The following SPOCK3 variants were observed in gnomAD, a reference collection of about 807,000 sequenced individuals.
SPOCK3 encodes testican-3.
SPOCK3 carries 30 observed loss-of-function variants against 56.6 expected under a neutral mutation model. The ratio of observed to expected loss-of-function variants is 0.53; its 90% confidence interval spans 0.40 to 0.72. The LOEUF is 0.72. SPOCK3 is among the 30% of genes least tolerant of loss of function. The probability of loss-of-function intolerance (pLI) is 0.00; values close to 1 mark genes in which losing one functional copy is unlikely to be tolerated. For synonymous variants in SPOCK3, 196 were observed against 183.3 expected (o/e 1.07, Z -0.56); for missense variants, 527 against 530.0 (o/e 0.99, Z 0.06).
chr4:167,019,098 C>T lies in SPOCK3; in HGVS notation c.236-18635G>A, dbSNP rs569990904. Reference sequence around the variant, plus strand: ...CCACCAACTCATTATAAGTGAATATCAACCCTCCCTCTGATCAGTCTTCAA... The same window carrying T: ...CCACCAACTCATTATAAGTGAATATTAACCCTCCCTCTGATCAGTCTTCAA... On this transcript the variant is annotated intron_variant, in intron 3 of 10. Transcript: ENST00000357545. 7.2e-5 allele frequency among the ~76,000 whole-genome samples: 11 copies of T among 152,162 alleles called. No individual in the cohort carries two copies. In the East Asian group the frequency reaches 1.9e-3, roughly 27 times the overall value.
intron 2 of SPOCK3, among the ~76,000 whole-genome samples, chr4:167,199,740 T>A (rs1733339601): frequency 6.9e-6 from 1 of 144,260 alleles, no homozygotes; most frequent in African/African-American, 2.5e-5. Context: ...TAATAATAAC[T>A]TTAAGTGCCA....
rs144635063 is a variant in SPOCK3 at position 166,905,776 on chromosome 4, C to A, written c.474+6844G>T. On this transcript the variant is annotated intron_variant, in intron 5 of 10. Transcript: ENST00000357545. ...TACTAGAAATAATAAGTGAATTTAG[C>A]AAAGTGGCAATATACAAGTCAGTAT... Among the ~76,000 whole-genome samples the A allele has an allele frequency of 3.1e-3, 468 of 151,824 alleles. 3 individuals carry two copies. The highest frequency in any genetic ancestry group is 0.01 in the African/African-American group (433 of 41,444).
chr4:166,979,362 C>T (rs1321435773), intron 4 of SPOCK3, among the ~76,000 whole-genome samples: 1 of 152,080 alleles, frequency 6.6e-6, no homozygotes, highest in Non-Finnish European at 1.5e-5. Context: ...TGGTAAACTC[C>T]AACCCTACAA....
chr4:166,917,262 T>C (rs993199381), intron 4 of SPOCK3, among the ~76,000 whole-genome samples: 3 of 152,196 alleles, frequency 2.0e-5, no homozygotes, highest in African/African-American at 7.2e-5. Flanking sequence ...TTGAATCTGA[T>C]ACCATATAGT....
At chr4:166,827,900 T>C (rs1579340409) in intron 6 of SPOCK3, among the ~76,000 whole-genome samples, 2 of 151,930 alleles carry the variant, frequency 1.3e-5, no homozygotes, top group South Asian at 2.1e-4. Flanking sequence ...TGAGGACATA[T>C]GCTAAATATG....
intron 3 of SPOCK3, among the ~76,000 whole-genome samples, chr4:167,019,217 C>T (rs929089343): frequency 3.3e-5 from 5 of 152,032 alleles, no homozygotes; most frequent in Non-Finnish European, 5.9e-5. Flanking sequence ...TTGAGTTAAG[C>T]TTTCAAATCT....
At chr4:166,860,230 T>G (rs191941778) in intron 6 of SPOCK3, among the ~76,000 whole-genome samples, 1 of 152,264 alleles carries the variant, frequency 6.6e-6, no homozygotes, top group East Asian at 1.9e-4. Flanking sequence ...TTAGCATTGA[T>G]GCCTATTTAG....
intron 2 of SPOCK3, among the ~76,000 whole-genome samples, chr4:167,210,180 T>C (rs1326785070): frequency 6.6e-6 from 1 of 152,158 alleles, no homozygotes; most frequent in Non-Finnish European, 1.5e-5. Flanking sequence ...CTTATACCTA[T>C]GGAACATGCC....
At chr4:166,999,439 ATTATTC>A (rs1015647050) in intron 4 of SPOCK3, among the ~76,000 whole-genome samples, 1 of 152,112 alleles carries the variant, frequency 6.6e-6, no homozygotes, top group Admixed American at 6.6e-5. Flanking sequence ...TTCCAATGTT[ATTATTC>A]TTATTCTCTT....
At chr4:167,084,860 G>A (rs1758044661) in intron 2 of SPOCK3, among the ~76,000 whole-genome samples, 1 of 152,000 alleles carries the variant, frequency 6.6e-6, no homozygotes, top group Admixed American at 6.6e-5. Flanking sequence ...TTAAAAATGA[G>A]AGCAATCATA....
chr4:167,216,090 C>T (rs1445950093), intron 2 of SPOCK3, among the ~76,000 whole-genome samples: 1 of 152,122 alleles, frequency 6.6e-6, no homozygotes, highest in Non-Finnish European at 1.5e-5. Context: ...CTGTGTCTCA[C>T]TTCAGACTTC....
intron 2 of SPOCK3, among the ~76,000 whole-genome samples, chr4:167,066,995 C>T (rs1453082154): frequency 6.6e-6 from 1 of 151,772 alleles, no homozygotes; most frequent in Non-Finnish European, 1.5e-5. Context: ...GATAAACTCT[C>T]CCATTGTCTG....
chr4:166,947,895 C>T (rs886148609), intron 4 of SPOCK3, among the ~76,000 whole-genome samples: 1 of 152,084 alleles, frequency 6.6e-6, no homozygotes, highest in Non-Finnish European at 1.5e-5. Context: ...TCAATTTCTT[C>T]TAGCTTTTTG....
At chr4:167,095,627 C>G (rs1759084830) in intron 2 of SPOCK3, among the ~76,000 whole-genome samples, 1 of 151,876 alleles carries the variant, frequency 6.6e-6, no homozygotes, top group African/African-American at 2.4e-5. Flanking sequence ...TCAATTACTA[C>G]TCACCCATGG....
chr4:166,781,639 A>G (rs1740184861), intron 7 of SPOCK3, among the ~76,000 whole-genome samples: 1 of 152,214 alleles, frequency 6.6e-6, no homozygotes, highest in African/African-American at 2.4e-5. Flanking sequence ...AATGAAAGAC[A>G]TCAAACCACA....
At chr4:167,108,610 A>G (rs758983230) in intron 2 of SPOCK3, among the ~76,000 whole-genome samples, 2 of 151,734 alleles carry the variant, frequency 1.3e-5, no homozygotes, top group Non-Finnish European at 2.9e-5. Context: ...AAATTAAAAC[A>G]ATTGAACTAT....
At chr4:167,209,815 T>C (rs1404635468) in intron 2 of SPOCK3, among the ~76,000 whole-genome samples, 1 of 152,202 alleles carries the variant, frequency 6.6e-6, no homozygotes, top group Non-Finnish European at 1.5e-5. Flanking sequence ...GTGAATTTTG[T>C]ATTTATAGTT....
intron 4 of SPOCK3, among the ~76,000 whole-genome samples, chr4:166,953,769 G>A (rs569050016): frequency 2.0e-5 from 3 of 152,144 alleles, no homozygotes; most frequent in Non-Finnish European, 4.4e-5. Flanking sequence ...AAAATGATGA[G>A]TTCATGTCCT....
At chr4:166,873,451 A>G (rs1175753407) in intron 6 of SPOCK3, among the ~76,000 whole-genome samples, 1 of 152,102 alleles carries the variant, frequency 6.6e-6, no homozygotes, top group Admixed American at 6.6e-5. Flanking sequence ...AAATGATGCA[A>G]TTGCAGTATG....
Sources: allele counts gnomAD v4.1 joint callset (sites outside exome capture counted in the v4.1 genomes callset), GRCh38; gene constraint gnomAD v4.1.1; transcripts MANE v1.5; gene names NCBI Gene and HGNC (gene_info 2026-07-23, HGNC 2026-07-21).